The following ZNF219 variants were observed in gnomAD, a reference collection of about 807,000 sequenced individuals.
The protein encoded by ZNF219 is zinc finger protein 219.
Under a neutral mutation model 54.4 loss-of-function variants are expected in ZNF219, and 17 were observed. The observed-to-expected ratio is 0.31, with a 90% CI of 0.21 to 0.47. The LOEUF (loss-of-function observed/expected upper bound fraction) is 0.47. Among genes scored for constraint, ZNF219 ranks in the 20% least tolerant of loss-of-function variants. The probability of loss-of-function intolerance (pLI) is 1.00; values close to 1 mark genes in which losing one functional copy is unlikely to be tolerated. For synonymous variants in ZNF219, 518 were observed against 476.4 expected (o/e 1.09, Z -1.14); for missense variants, 1,014 against 1,062.3 (o/e 0.95, Z 0.63).
At chr14:21,102,789 C>A (rs2139354746), upstream of ZNF219, 1 of 1,547,020 alleles carries the variant, frequency 6.5e-7, no homozygotes. Context: ...GGTATGGGGG[C>A]AGGGAAGAAA....
At position 21,090,199 on chromosome 14, in the gene ZNF219, A is replaced by C; in HGVS notation, c.*337T>G. On this transcript the variant is annotated 3_prime_UTR_variant, in exon 5 of 5. Coordinates refer to ENST00000360947, the MANE Select transcript of ZNF219 (RefSeq NM_016423.3). The surrounding 1 kb of genome is among the most constrained non-coding windows in gnomAD (Gnocchi z 4.4). The stretch of plus-strand genomic sequence containing the variant: ...GGGCTAGAAGGGTACAGTGCCCCCC[A>C]CCCTCACCCCTTGTACAAAAATAAA... The C allele has an allele frequency of 2.8e-5, 15 of 530,728 alleles. No individual in the cohort carries two copies. The highest frequency in any genetic ancestry group is 1.4e-4 in the East Asian group (3 of 21,076). The allele number at this position is 530,728 out of a possible 1,614,324, so 32.9% of individuals were successfully genotyped here.
upstream of ZNF219, chr14:21,101,482 A>G (rs1053850712): frequency 2.1e-5 from 32 of 1,527,370 alleles, no homozygotes; most frequent in Non-Finnish European, 2.8e-5. Flanking sequence ...CCCAGGTCTC[A>G]GCATGTCCAC....
intron 1 of ZNF219, among the ~76,000 whole-genome samples, chr14:21,094,907 C>CTTT (rs59112788): frequency 8.0e-6 from 1 of 125,146 alleles, no homozygotes; most frequent in Non-Finnish European, 1.7e-5. Flanking sequence ...TGGGTCTAAC[C>CTTT]TTTTTTTTTT....
chr14:21,098,682 A>G, upstream of ZNF219: 1 of 978,112 alleles, frequency 1.0e-6, no homozygotes, highest in Non-Finnish European at 1.3e-6. Context: ...GGGAGGGAGG[A>G]AGGGAGGGAG....
intron 3 of ZNF219, 63 bp from the exon 4 acceptor site, chr14:21,091,605 C>G: frequency 6.5e-7 from 1 of 1,542,496 alleles, no homozygotes; most frequent in South Asian, 1.2e-5. Flanking sequence ...GCCGCGCACC[C>G]ACCCCACACC....
At chr14:21,093,746 A>G in intron 1 of ZNF219, 72 bp from the exon 2 acceptor site, 2 of 1,373,724 alleles carry the variant, frequency 1.5e-6, no homozygotes, top group East Asian at 4.8e-5. Context: ...CCCTACCCCC[A>G]GACTCTCAGC....
At chr14:21,104,688 A>T (rs1889840140) in exon 1 of ZNF219, 1 of 152,298 alleles carries the variant, frequency 6.6e-6, no homozygotes, top group Non-Finnish European at 1.5e-5. Flanking sequence ...CGTCCGCTGC[A>T]GCTCTTTTCT....
chr14:21,090,493 C>G lies in ZNF219; in HGVS notation c.*43G>C. ...CAACTACCTCTAGCGCTCCCCCGCT[C>G]CGGCGGGGTAAGCTCACTAAGCTAA... On this transcript the variant is annotated 3_prime_UTR_variant, in exon 5 of 5. Transcript: ENST00000360947. This position sits in a 1 kb window ranked among gnomAD's most constrained non-coding sequence, Gnocchi z 4.4. 1 of 1,541,150 alleles carries G rather than the reference C, an allele frequency of 6.5e-7. No homozygotes were observed. Among genetic ancestry groups the G allele is most frequent in the South Asian group, 1.2e-5 (1 of 80,830 alleles).
At chr14:21,096,501 A>G (rs1889284287) in intron 1 of ZNF219, among the ~76,000 whole-genome samples, 1 of 152,188 alleles carries the variant, frequency 6.6e-6, no homozygotes, top group Admixed American at 6.5e-5. Context: ...CTTGGAACCG[A>G]GGTCATGCAT....
chr14:21,098,929 G>T, upstream of ZNF219: 1 of 1,123,024 alleles, frequency 8.9e-7, no homozygotes. Context: ...TTTTGGGGGA[G>T]GAGGAGGGGC....
chr14:21,098,529 CG>C lies in ZNF219; in HGVS notation c.-302del, dbSNP rs1236692397. ...GGGAGGCGGCCCGGCCATTAGCATGCGGGGGGCGGCGCGGCGGGGCTGGGAG... is the reference window on the plus strand; with the variant it reads ...GGGAGGCGGCCCGGCCATTAGCATGCGGGGGCGGCGCGGCGGGGCTGGGAG... On this transcript the variant is annotated 5_prime_UTR_variant, in exon 1 of 5. Coordinates refer to ENST00000360947, the MANE Select transcript of ZNF219 (RefSeq NM_016423.3). 1 of 985,686 alleles carries C rather than the reference CG, an allele frequency of 1.0e-6. No individual in the cohort carries two copies. The highest frequency in any genetic ancestry group is 1.1e-4 in the East Asian group (1 of 8,758). The allele number at this position is 985,686 out of a possible 1,614,324, so 61.1% of individuals were successfully genotyped here.
upstream of ZNF219, chr14:21,102,586 G>A (rs1037002911): frequency 1.9e-6 from 3 of 1,550,914 alleles, no homozygotes; most frequent in African/African-American, 1.4e-5. Flanking sequence ...AAGGGCAGGG[G>A]CAAACAGGTG....
At position 21,092,090 on chromosome 14, in the gene ZNF219, TGCG is replaced by T; in HGVS notation, c.1204_1206del (p.Arg402del). ...GACAGCGGGCGGAAGCCTCCGAAGC[TGCG>T]GCCGGGACCGGGCTCAGCACCCTCG... On this transcript the variant is annotated inframe_deletion, in exon 3 of 5. Transcript: ENST00000360947. 6.5e-7 allele frequency: 1 copy of T among 1,536,018 alleles called. No individual in the cohort carries two copies. Among genetic ancestry groups the T allele is most frequent in the Non-Finnish European group, 8.8e-7 (1 of 1,141,592 alleles).
In ZNF219 at chr14:21,090,515, C is replaced by T; in HGVS notation, c.*21G>A. On this transcript the variant is annotated 3_prime_UTR_variant, in exon 5 of 5. Transcript: ENST00000360947. This position sits in a 1 kb window ranked among gnomAD's most constrained non-coding sequence, Gnocchi z 4.4. ...GCTCCGGCGGGGTAAGCTCACTAAG[C>T]TAATCGCCCCTGAGGGCCCACTACC... is the stretch of plus-strand genomic sequence containing the variant. 1 of 1,569,912 alleles carries T rather than the reference C, an allele frequency of 6.4e-7. No individual in the cohort carries two copies. Among genetic ancestry groups the T allele is most frequent in the Non-Finnish European group, 8.7e-7 (1 of 1,155,342 alleles).
chr14:21,102,408 C>T (rs781660269), upstream of ZNF219: 13 of 1,551,450 alleles, frequency 8.4e-6, no homozygotes, highest in African/African-American at 2.7e-5. Context: ...CTGGCAGGTG[C>T]GGGCCATGAT....
chr14:21,092,733 G>A lies in ZNF219; in HGVS notation c.564C>T (p.Pro188=). The part of the protein sequence containing the change: ...RERHLHILHR[P]WKCGLCSFGS... ...CGAAACTGCACAGGCCGCACTTCCAGGGCCTATGCAGGATGTGCAGGTGGC... is the reference window on the plus strand; with the variant it reads ...CGAAACTGCACAGGCCGCACTTCCAAGGCCTATGCAGGATGTGCAGGTGGC... The change falls in exon 3 of 5, where the codon CCC becomes CCT. Residue 188 remains proline (P), a synonymous_variant. Transcript: ENST00000360947. The A allele has an allele frequency of 2.5e-6, 4 of 1,588,568 alleles. No individual in the cohort carries two copies. Among genetic ancestry groups the A allele is most frequent in the East Asian group, 4.5e-5 (2 of 44,024 alleles).
chr14:21,091,259 C>T (rs907606693), intron 4 of ZNF219, 119 bp from the exon 5 acceptor site: 5 of 1,506,356 alleles, frequency 3.3e-6, no homozygotes, highest in Non-Finnish European at 4.4e-6. Context: ...CGTCTCCCAC[C>T]CACTTTGATT....
chr14:21,092,987 G>A lies in ZNF219; in HGVS notation c.310C>T (p.Leu104=). 1 of 1,597,970 alleles carries A rather than the reference G, an allele frequency of 6.3e-7. No individual in the cohort carries two copies. Among genetic ancestry groups the A allele is most frequent in the Non-Finnish European group, 8.5e-7 (1 of 1,175,032 alleles). ...GGGCGCTCGGGCTGGTGTGTGCGCA[G>A]GTGCGAGCGCAGCAGAGCCCGCTGC... ...AAQRALLRSH[L]RTHQPERPRS... The change falls in exon 3 of 5, where the codon CTG becomes TTG. Residue 104 remains leucine, a synonymous_variant. Transcript: ENST00000360947.
At position 21,092,972 on chromosome 14, in the gene ZNF219, G is replaced by A. The variant is rs1216337734; in HGVS notation, c.325C>T (p.Pro109Ser). 6.3e-7 allele frequency: 1 copy of A among 1,593,604 alleles called. No individual in the cohort carries two copies. The highest frequency in any genetic ancestry group is 8.5e-7 in the Non-Finnish European group (1 of 1,172,490). ...GCAGCAGGACTACGTGGGCGCTCGG[G>A]CTGGTGTGTGCGCAGGTGCGAGCGC... The part of the protein sequence containing the change: ...LLRSHLRTHQ[P>S]ERPRSPAARL... Residue 109 changes from proline to serine, a missense_variant, in exon 3 of 5, where the codon CCC (proline) becomes TCC (serine). Around this residue, in one of 5 missense-constraint regions of ZNF219, gnomAD observed 395 missense variants for 415.1 expected, o/e 0.95. Transcript: ENST00000360947.
Sources: gnomAD v4.1 joint callset for allele counts (sites outside exome capture counted in the v4.1 genomes callset) on GRCh38, gnomAD v4.1.1 for gene constraint, gnomAD v4.1.1 regional missense constraint, Gnocchi (gnomAD v3.1) non-coding constraint, MANE v1.5 for transcripts, NCBI Gene and HGNC (gene_info 2026-07-23, HGNC 2026-07-21) for gene names.